The following GRM7 variants were observed in gnomAD, a reference collection of about 807,000 sequenced individuals.
GRM7 encodes the protein metabotropic glutamate receptor 7.
GRM7 carries 35 observed loss-of-function variants against 84.5 expected under a neutral mutation model. That is an observed-to-expected ratio of 0.41 (90% confidence interval 0.32 to 0.55). GRM7 has a LOEUF of 0.55. Among genes scored for constraint, GRM7 ranks in the 20% least tolerant of loss-of-function variants. The pLI is 0.19. For missense variants in GRM7, 1,003 were observed against 1,194.6 expected, an observed-to-expected ratio of 0.84 and a Z score of 2.36; for synonymous variants, 487 against 455.1, an observed-to-expected ratio of 1.07 and a Z score of -0.89.
At chr3:7,735,671 G>T (rs1444847198) in intron 9 of GRM7, among the ~76,000 whole-genome samples, 1 of 152,080 alleles carries the variant, frequency 6.6e-6, no homozygotes, top group Non-Finnish European at 1.5e-5. Context: ...TCCTATTGTG[G>T]TAACATCCCA....
chr3:7,005,272 A>T (rs558561463), intron 1 of GRM7, among the ~76,000 whole-genome samples: 110 of 152,288 alleles, frequency 7.2e-4, no homozygotes, highest in African/African-American at 2.5e-3. Flanking sequence ...TCATAGCTGG[A>T]TGTGGCCATC....
chr3:7,172,763 A>T (rs775620416), intron 2 of GRM7, among the ~76,000 whole-genome samples: 28 of 152,176 alleles, frequency 1.8e-4, no homozygotes, highest in Admixed American at 3.9e-4. Flanking sequence ...GTCCCATGAA[A>T]CTGAACTTTT....
At chr3:7,681,416 G>A (rs1700362922) in intron 9 of GRM7, 1 of 152,192 alleles carries the variant, frequency 6.6e-6, no homozygotes, top group Non-Finnish European at 1.5e-5. Context: ...AGCCAACTGG[G>A]TTTGATCCTG....
intron 1 of GRM7, among the ~76,000 whole-genome samples, chr3:7,044,986 C>T (rs1696751766): frequency 6.6e-6 from 1 of 152,100 alleles, no homozygotes; most frequent in Admixed American, 6.6e-5. Flanking sequence ...ATTCTGTTGA[C>T]ATGTACTGTT....
chr3:7,720,858 T>C (rs1358127234), intron 9 of GRM7, among the ~76,000 whole-genome samples: 1 of 152,194 alleles, frequency 6.6e-6, no homozygotes, highest in Non-Finnish European at 1.5e-5. Flanking sequence ...CATAGCCCTC[T>C]CTTGTCTTAC....
At chr3:7,356,960 A>ACACG (rs1693436380) in intron 4 of GRM7, among the ~76,000 whole-genome samples, 1 of 150,122 alleles carries the variant, frequency 6.7e-6, no homozygotes, top group African/African-American at 2.4e-5. Flanking sequence ...ACACACACAC[A>ACACG]CACAGTTATA....
At chr3:7,228,583 G>A (rs976534) in intron 2 of GRM7, among the ~76,000 whole-genome samples, 136,658 of 151,864 alleles carry the variant, frequency 0.9, 61,754 homozygotes, top group East Asian at 1. Context: ...CCTTTCTTGA[G>A]TCATGTTTAT....
intron 7 of GRM7, among the ~76,000 whole-genome samples, chr3:7,577,572 C>G (rs760508733): frequency 6.6e-6 from 1 of 152,114 alleles, no homozygotes; most frequent in Non-Finnish European, 1.5e-5. Flanking sequence ...TAAAGTTTCC[C>G]GTTGTTTCTA....
At chr3:7,643,121 G>A (rs1017463968) in intron 8 of GRM7, among the ~76,000 whole-genome samples, 4 of 152,084 alleles carry the variant, frequency 2.6e-5, no homozygotes, top group Admixed American at 6.5e-5. Flanking sequence ...ATCCCTATAC[G>A]CCATACTTGG....
chr3:7,645,568 A>G (rs1056465036), intron 8 of GRM7, among the ~76,000 whole-genome samples: 2 of 147,538 alleles, frequency 1.4e-5, no homozygotes, highest in African/African-American at 2.5e-5. Flanking sequence ...AAAAAAAAAA[A>G]AAAGAAAAGA....
chr3:6,990,406 G>A (rs371394392), intron 1 of GRM7, among the ~76,000 whole-genome samples: 40 of 152,274 alleles, frequency 2.6e-4, no homozygotes, highest in African/African-American at 8.4e-4. Context: ...TTAATACTGG[G>A]TTGGGAGATG....
intron 1 of GRM7, among the ~76,000 whole-genome samples, chr3:6,992,770 A>C (rs913342210): frequency 2.0e-5 from 3 of 152,310 alleles, no homozygotes; most frequent in Admixed American, 6.5e-5. Flanking sequence ...TTGGAGAAAG[A>C]GTTACTTCCA....
At chr3:7,347,361 A>G (rs1404811438) in intron 4 of GRM7, among the ~76,000 whole-genome samples, 3 of 152,172 alleles carry the variant, frequency 2.0e-5, no homozygotes, top group Non-Finnish European at 2.9e-5. Context: ...CTCTCCAGCC[A>G]TAGATAAATC....
At chr3:7,446,450 G>GTTTTTTTGTT (rs1697511349) in intron 5 of GRM7, among the ~76,000 whole-genome samples, 1 of 108,032 alleles carries the variant, frequency 9.3e-6, no homozygotes, top group Non-Finnish European at 2.1e-5. Flanking sequence ...TTTTGGTCTT[G>GTTTTTTTGTT]TTTTTTTTTT....
chr3:6,965,444 A>G (rs988009517), intron 1 of GRM7, among the ~76,000 whole-genome samples: 2 of 152,060 alleles, frequency 1.3e-5, no homozygotes, highest in Non-Finnish European at 2.9e-5. Context: ...TAGCCTCCCC[A>G]GTAGCTGGGA....
At chr3:7,081,634 T>C (rs1698279160) in intron 1 of GRM7, among the ~76,000 whole-genome samples, 1 of 152,142 alleles carries the variant, frequency 6.6e-6, no homozygotes, top group Non-Finnish European at 1.5e-5. Context: ...TTAAGCTTAG[T>C]GAGGAAGGCA....
At chr3:7,049,986 C>T (rs558223786) in intron 1 of GRM7, among the ~76,000 whole-genome samples, 1 of 151,910 alleles carries the variant, frequency 6.6e-6, no homozygotes, top group African/African-American at 2.4e-5. Flanking sequence ...GAGCAATAGA[C>T]AGTCATTGTA....
chr3:7,354,998 A>T (rs1693329595), intron 4 of GRM7, among the ~76,000 whole-genome samples: 1 of 152,148 alleles, frequency 6.6e-6, no homozygotes, highest in South Asian at 2.1e-4. Flanking sequence ...TCAACAGTCT[A>T]TTACATTAAT....
intron 1 of GRM7, among the ~76,000 whole-genome samples, chr3:6,894,300 A>G (rs1696087614): frequency 6.6e-6 from 1 of 152,184 alleles, no homozygotes; most frequent in African/African-American, 2.4e-5. Context: ...TAAATTTTAG[A>G]TGAAGATGCT....
Sources: gnomAD v4.1 joint callset for allele counts (sites outside exome capture counted in the v4.1 genomes callset) on GRCh38, gnomAD v4.1.1 for gene constraint, MANE v1.5 for transcripts, NCBI Gene and HGNC (gene_info 2026-07-23, HGNC 2026-07-21) for gene names.